Variants in ZNF536 observed in about 807,000 individuals in gnomAD.
ZNF536 encodes zinc finger protein 536.
A neutral mutation model predicts 84.5 loss-of-function variants in ZNF536; 13 were observed. That is an observed-to-expected ratio of 0.15 (90% CI 0.10 to 0.24). ZNF536 has a LOEUF of 0.24. Among genes scored for constraint, ZNF536 ranks in the 10% least tolerant of loss-of-function variants. ZNF536 has a pLI of 1.00. For missense variants in ZNF536, 1,536 were observed against 1,747.5 expected, an observed-to-expected ratio of 0.88 and a Z score of 2.16; for synonymous variants, 811 against 742.5, an observed-to-expected ratio of 1.09 and a Z score of -1.50.
At chr19:30,570,287 T>C (rs188185931) in intron 1 of ZNF536, among the ~76,000 whole-genome samples, 2 of 152,202 alleles carry the variant, frequency 1.3e-5, no homozygotes, top group Admixed American at 6.5e-5. Context: ...CAGGCGTTGA[T>C]GAAAAACTTT....
At chr19:30,353,796 G>A (rs1307641583) in intron 3 of ZNF536, among the ~76,000 whole-genome samples, 7 of 152,216 alleles carry the variant, frequency 4.6e-5, no homozygotes, top group African/African-American at 1.7e-4. Flanking sequence ...CACAGATGGA[G>A]GAGTTAGGAG....
At chr19:30,557,135 A>C (rs777388777) in intron 4 of ZNF536, 22 bp from the exon 5 acceptor site, 1 of 1,613,464 alleles carries the variant, frequency 6.2e-7, no homozygotes, top group South Asian at 1.1e-5. Context: ...ATTATTTAAT[A>C]AATCTGCACA....
intron 1 of ZNF536, among the ~76,000 whole-genome samples, chr19:30,670,735 G>T (rs1488859937): frequency 1.3e-5 from 2 of 152,190 alleles, no homozygotes; most frequent in African/African-American, 4.8e-5. Context: ...GCCCCTTGGT[G>T]CCTCTGTTGC....
chr19:30,305,969 G>A lies in ZNF536; in HGVS notation c.-120+21828G>A, dbSNP rs567307970. On this transcript the variant is annotated intron_variant, in intron 2 of 5. Coordinates refer to the ZNF536 transcript ENST00000585628. The stretch of plus-strand genomic sequence containing the variant: ...ATTTGATCTGACAGAGGGTCACATC[G>A]GTTTTTTTCCCCCCTCCAAATTTTA... 3.9e-5 allele frequency among the ~76,000 whole-genome samples: 6 copies of A among 152,276 alleles called. No homozygotes were observed. The South Asian group carries it at 6.2e-4, about 16-fold the overall frequency.
chr19:30,674,970 T>A (rs1449072850), intron 1 of ZNF536, among the ~76,000 whole-genome samples: 1 of 151,900 alleles, frequency 6.6e-6, no homozygotes, highest in Non-Finnish European at 1.5e-5. Flanking sequence ...CAAAATCCCT[T>A]CCCCCTGAGA....
At chr19:30,388,671 A>G (rs1265629659) in intron 1 of ZNF536, among the ~76,000 whole-genome samples, 2 of 152,236 alleles carry the variant, frequency 1.3e-5, no homozygotes, top group Non-Finnish European at 2.9e-5. Context: ...CTTGCATGCC[A>G]AGGCTGTTGG....
At chr19:30,385,916 T>C (rs2049323172) in intron 1 of ZNF536, among the ~76,000 whole-genome samples, 1 of 152,192 alleles carries the variant, frequency 6.6e-6, no homozygotes. Flanking sequence ...CATGGAGTTA[T>C]CTGAAGGAGT....
intron 1 of ZNF536, among the ~76,000 whole-genome samples, chr19:30,263,893 C>A (rs1470043566): frequency 6.6e-6 from 1 of 151,948 alleles, no homozygotes; most frequent in Non-Finnish European, 1.5e-5. Flanking sequence ...CACACACACA[C>A]ACACACACAC....
At chr19:30,523,937 G>A (rs1333359512) in intron 2 of ZNF536, among the ~76,000 whole-genome samples, 2 of 152,224 alleles carry the variant, frequency 1.3e-5, no homozygotes, top group Admixed American at 6.5e-5. Context: ...AGTCTGTTAT[G>A]CTTAGTGGCT....
intron 1 of ZNF536, among the ~76,000 whole-genome samples, chr19:30,392,724 C>T (rs1011087808): frequency 5.9e-5 from 9 of 152,104 alleles, no homozygotes; most frequent in South Asian, 2.1e-4. Context: ...GAAAATTGCA[C>T]GAGTAACTTA....
At chr19:30,580,599 A>G (rs993792748) in intron 1 of ZNF536, among the ~76,000 whole-genome samples, 1 of 152,120 alleles carries the variant, frequency 6.6e-6, no homozygotes, top group Non-Finnish European at 1.5e-5. Flanking sequence ...CCCCTCTTCC[A>G]AAGGAGGCTG....
At chr19:30,430,448 T>A (rs957173145) in intron 1 of ZNF536, among the ~76,000 whole-genome samples, 1 of 152,142 alleles carries the variant, frequency 6.6e-6, no homozygotes, top group Admixed American at 6.5e-5. Flanking sequence ...TGGACAGGCA[T>A]ACAAACAAAC....
chr19:30,677,202 G>A (rs2050783348), intron 1 of ZNF536, among the ~76,000 whole-genome samples: 1 of 152,222 alleles, frequency 6.6e-6, no homozygotes, highest in African/African-American at 2.4e-5. Context: ...GCTGAAACCA[G>A]ACACCTGGCT....
intron 2 of ZNF536, among the ~76,000 whole-genome samples, chr19:30,324,661 G>A (rs1009757599): frequency 6.6e-6 from 1 of 152,122 alleles, no homozygotes. Context: ...CAAAGTGTTG[G>A]GATTACAGGC....
chr19:30,545,698 C>T (rs2045525767), intron 3 of ZNF536, among the ~76,000 whole-genome samples: 1 of 152,066 alleles, frequency 6.6e-6, no homozygotes, highest in Non-Finnish European at 1.5e-5. Context: ...CGCTTGGCCT[C>T]CTGTGTGCCT....
intron 2 of ZNF536, among the ~76,000 whole-genome samples, chr19:30,446,248 C>CAAAAAAAAAAAAAAAAA (rs1177505634): frequency 2.2e-3 from 65 of 29,106 alleles, no homozygotes; most frequent in Non-Finnish European, 3.1e-3. Flanking sequence ...GACACTGTCT[C>CAAAAAAAAAAAAAAAAA]AAAAAAAAAA....
At chr19:30,708,663 G>A (rs2052344582) in intron 1 of ZNF536, among the ~76,000 whole-genome samples, 1 of 152,162 alleles carries the variant, frequency 6.6e-6, no homozygotes, top group South Asian at 2.1e-4. Context: ...AGATTCAACA[G>A]GTAGAATGGA....
At chr19:30,424,434 T>C (rs1412948104) in intron 1 of ZNF536, among the ~76,000 whole-genome samples, 3 of 152,254 alleles carry the variant, frequency 2.0e-5, no homozygotes, top group Non-Finnish European at 4.4e-5. Flanking sequence ...TCCCCTGTCA[T>C]GGACAGCAGA....
At chr19:30,359,142 TA>T (rs2048190046) in intron 3 of ZNF536, among the ~76,000 whole-genome samples, 1 of 152,042 alleles carries the variant, frequency 6.6e-6, no homozygotes, top group Non-Finnish European at 1.5e-5. Flanking sequence ...CAGTTCTTTT[TA>T]AAAATTTGTC....
Sources: gnomAD v4.1 joint callset for allele counts (sites outside exome capture counted in the v4.1 genomes callset) on GRCh38, gnomAD v4.1.1 for gene constraint, MANE v1.5 for transcripts, NCBI Gene and HGNC (gene_info 2026-07-23, HGNC 2026-07-21) for gene names.